The following AFF3 variants were observed in gnomAD, a reference collection of about 807,000 sequenced individuals.
AFF3 encodes ALF transcription elongation factor 3.
Under a neutral mutation model 129.7 loss-of-function variants are expected in AFF3, and 32 were observed. That is an observed-to-expected ratio of 0.25 (90% CI 0.19 to 0.33). The LOEUF (loss-of-function observed/expected upper bound fraction) is 0.33, where lower values mean the gene tolerates loss of function less well. Ranked by LOEUF, AFF3 falls within the 10% of genes least tolerant of loss-of-function variation. The pLI is 1.00. For missense variants in AFF3, 1,373 were observed against 1,592.0 expected, an observed-to-expected ratio of 0.86 and a Z score of 2.34; for synonymous variants, 644 against 635.4, an observed-to-expected ratio of 1.01 and a Z score of -0.20.
At chr2:99,874,214 T>C (rs1421770081) in intron 7 of AFF3, among the ~76,000 whole-genome samples, 2 of 152,128 alleles carry the variant, frequency 1.3e-5, no homozygotes, top group African/African-American at 2.4e-5. Context: ...TAATTTCCCC[T>C]GATGTGGCCT....
intron 13 of AFF3, among the ~76,000 whole-genome samples, chr2:99,646,660 G>C (rs544394807): frequency 4.6e-5 from 7 of 152,238 alleles, no homozygotes; most frequent in African/African-American, 1.7e-4. Context: ...CCACCCTGAG[G>C]TTCCTCTGGC....
intron 1 of AFF3, among the ~76,000 whole-genome samples, chr2:100,133,942 AAT>A (rs1343921235): frequency 6.6e-6 from 1 of 151,166 alleles, no homozygotes; most frequent in Non-Finnish European, 1.5e-5. Flanking sequence ...CAAAAAAATA[AAT>A]AAAATAAAAT....
At chr2:99,839,212 C>T (rs1266022780) in intron 7 of AFF3, among the ~76,000 whole-genome samples, 12 of 152,026 alleles carry the variant, frequency 7.9e-5, no homozygotes, top group African/African-American at 2.4e-4. Flanking sequence ...TGGGTTCAGG[C>T]GATTCTTCTG....
chr2:100,090,294 T>C (rs1689743911), intron 4 of AFF3, among the ~76,000 whole-genome samples: 1 of 151,764 alleles, frequency 6.6e-6, no homozygotes, highest in Admixed American at 6.6e-5. Flanking sequence ...TCATTATTGT[T>C]ATTAATGAAG....
At chr2:99,712,073 T>C (rs772454939) in intron 11 of AFF3, among the ~76,000 whole-genome samples, 2 of 152,182 alleles carry the variant, frequency 1.3e-5, no homozygotes, top group East Asian at 1.9e-4. Flanking sequence ...AAGTAAACCA[T>C]TGCTTATGTG....
Position 99,549,620 on chromosome 2 carries a change from T to C in AFF3, c.*1854A>G, listed in dbSNP as rs1022743899. On this transcript the variant is annotated 3_prime_UTR_variant, in exon 25 of 25. Transcript: ENST00000672756. ...GAAAGGGTTGTAAGAAGCACCCCAG[T>C]TGGAGACATGTAAAATGGAAATTCT... 1 of 203,620 alleles carries C rather than the reference T, an allele frequency of 4.9e-6. No homozygotes were observed. The allele number at this position is 203,620 out of a possible 1,614,324, so 12.6% of individuals were successfully genotyped here.
intron 9 of AFF3, 138 bp from the exon 10 acceptor site, chr2:99,744,278 C>T (rs916041463): frequency 5.0e-5 from 33 of 656,364 alleles, no homozygotes; most frequent in Non-Finnish European, 7.5e-5. Flanking sequence ...TAATGAGAAA[C>T]ATATACATGA....
intron 15 of AFF3, among the ~76,000 whole-genome samples, chr2:99,588,181 T>G (rs889335377): frequency 2.0e-5 from 3 of 151,970 alleles, no homozygotes; most frequent in African/African-American, 7.3e-5. Context: ...TGGGTTTAAT[T>G]TTATTTGTTT....
intron 7 of AFF3, among the ~76,000 whole-genome samples, chr2:99,950,632 T>G (rs1234576600): frequency 1.3e-5 from 2 of 152,224 alleles, no homozygotes; most frequent in African/African-American, 4.8e-5. Flanking sequence ...CATTTTATCT[T>G]ACAACCTCAA....
At chr2:99,985,754 G>C (rs1199797971) in intron 7 of AFF3, among the ~76,000 whole-genome samples, 1 of 152,200 alleles carries the variant, frequency 6.6e-6, no homozygotes, top group Non-Finnish European at 1.5e-5. Flanking sequence ...TCACAAGGAG[G>C]GGGCACAGGA....
At chr2:99,559,725 G>A (rs1195577929) in intron 21 of AFF3, among the ~76,000 whole-genome samples, 1 of 152,180 alleles carries the variant, frequency 6.6e-6, no homozygotes, top group Non-Finnish European at 1.5e-5. Context: ...AACATTCTGG[G>A]TGCAATGGCA....
intron 4 of AFF3, among the ~76,000 whole-genome samples, chr2:100,024,329 C>A (rs1350488750): frequency 6.7e-6 from 1 of 150,026 alleles, no homozygotes; most frequent in East Asian, 2.0e-4. Context: ...AATCCCAGCA[C>A]TTTGGGAGGC....
intron 11 of AFF3, among the ~76,000 whole-genome samples, chr2:99,709,584 T>C (rs1032437932): frequency 6.6e-6 from 1 of 152,226 alleles, no homozygotes; most frequent in Admixed American, 6.5e-5. Context: ...AATAGCAATA[T>C]TTTATGTATT....
intron 2 of AFF3, among the ~76,000 whole-genome samples, chr2:100,127,550 C>T (rs1692247817): frequency 6.6e-6 from 1 of 152,206 alleles, no homozygotes; most frequent in Non-Finnish European, 1.5e-5. Context: ...CCTGACCTCT[C>T]AGCTTCAACT....
chr2:99,934,768 G>A (rs977268950), intron 7 of AFF3, among the ~76,000 whole-genome samples: 1 of 152,146 alleles, frequency 6.6e-6, no homozygotes, highest in African/African-American at 2.4e-5. Context: ...CTCTGTCGGG[G>A]AGAAGAATGG....
At chr2:99,813,939 G>C (rs961848377) in intron 8 of AFF3, among the ~76,000 whole-genome samples, 1 of 152,150 alleles carries the variant, frequency 6.6e-6, no homozygotes, top group Non-Finnish European at 1.5e-5. Flanking sequence ...AACCCATTCT[G>C]TCTGTTTTCT....
At chr2:99,913,512 G>C (rs895471146) in intron 7 of AFF3, among the ~76,000 whole-genome samples, 2 of 152,180 alleles carry the variant, frequency 1.3e-5, no homozygotes, top group African/African-American at 4.8e-5. Context: ...GTATGTATAT[G>C]TATATATGCA....
At chr2:99,696,152 G>T (rs1364716658) in intron 11 of AFF3, among the ~76,000 whole-genome samples, 1 of 151,512 alleles carries the variant, frequency 6.6e-6, no homozygotes, top group East Asian at 1.9e-4. Flanking sequence ...TTCATGAGGG[G>T]TGCAGATAAA....
chr2:99,957,947 C>G lies in AFF3; in HGVS notation c.873+48685G>C, dbSNP rs141790579. On this transcript the variant is annotated intron_variant, in intron 7 of 24. Coordinates refer to ENST00000672756, the MANE Select transcript of AFF3 (RefSeq NM_001386135.1). The stretch of plus-strand genomic sequence containing the variant: ...GATGCTTGAAGAATTCTTGGTAGAC[C>G]TCACTTTGCCACAGTAATTAAAACG... Among the ~76,000 whole-genome samples the G allele has an allele frequency of 9.9e-5, 15 of 152,274 alleles. No individual in the cohort carries two copies. In the East Asian group the frequency reaches 2.9e-3, roughly 29 times the overall value.
Sources: allele counts gnomAD v4.1 joint callset (sites outside exome capture counted in the v4.1 genomes callset), GRCh38; gene constraint gnomAD v4.1.1; transcripts MANE v1.5; gene names NCBI Gene and HGNC (gene_info 2026-07-23, HGNC 2026-07-21).